Variants in DIP2B observed in about 807,000 individuals in gnomAD.
DIP2B encodes disco-interacting protein 2 homolog B.
In DIP2B, 76 loss-of-function variants were observed where a neutral mutation model predicts 198.0. That is an observed-to-expected ratio of 0.38 (90% confidence interval 0.32 to 0.46). The LOEUF is 0.46. Among genes scored for constraint, DIP2B ranks in the 20% least tolerant of loss-of-function variants. The pLI is 0.99. For missense variants in DIP2B, 1,559 were observed against 1,978.4 expected (o/e 0.79, Z 4.02); for synonymous variants, 701 against 739.1 (o/e 0.95, Z 0.84).
At chr12:50,651,027 C>T (rs1160666512) in intron 3 of DIP2B, among the ~76,000 whole-genome samples, 2 of 152,018 alleles carry the variant, frequency 1.3e-5, no homozygotes, top group African/African-American at 2.4e-5. Context: ...AAGGTATGGC[C>T]GTTCTAGTGG....
intron 1 of DIP2B, among the ~76,000 whole-genome samples, chr12:50,571,760 G>A (rs944609932): frequency 1.3e-5 from 2 of 151,716 alleles, no homozygotes; most frequent in Non-Finnish European, 2.9e-5. Flanking sequence ...CACCATGTTA[G>A]CCAGGATGGT....
intron 3 of DIP2B, among the ~76,000 whole-genome samples, chr12:50,650,698 C>T (rs1045788322): frequency 3.3e-5 from 5 of 152,118 alleles, no homozygotes; most frequent in Admixed American, 6.5e-5. Context: ...GTTTTACTTA[C>T]CTGTTCCACA....
At chr12:50,695,452 C>G in intron 15 of DIP2B, 92 bp downstream of exon 15, 11 of 1,186,616 alleles carry the variant, frequency 9.3e-6, no homozygotes, top group Non-Finnish European at 1.4e-5. Flanking sequence ...CCTTGTATGC[C>G]CCTGTCCCTT....
intron 10 of DIP2B, among the ~76,000 whole-genome samples, chr12:50,683,777 C>G (rs924020420): frequency 1.3e-5 from 2 of 150,080 alleles, no homozygotes; most frequent in African/African-American, 4.9e-5. Flanking sequence ...AGCAAGACTC[C>G]GTCTAAAAAT....
At chr12:50,518,528 T>C (rs948297252) in intron 1 of DIP2B, among the ~76,000 whole-genome samples, 3 of 152,148 alleles carry the variant, frequency 2.0e-5, no homozygotes, top group Non-Finnish European at 4.4e-5. Flanking sequence ...GTCTTTGAAA[T>C]GTGTTTCTAA....
chr12:50,509,574 C>T (rs1957996612), intron 1 of DIP2B, among the ~76,000 whole-genome samples: 1 of 152,162 alleles, frequency 6.6e-6, no homozygotes, highest in Non-Finnish European at 1.5e-5. Flanking sequence ...GCTTTGTGGT[C>T]CTTAAAGCAT....
At chr12:50,714,324 G>A in intron 22 of DIP2B, 71 bp from the exon 23 acceptor site, 3 of 1,571,190 alleles carry the variant, frequency 1.9e-6, no homozygotes, top group Non-Finnish European at 8.7e-7. Context: ...GTAAAATAAT[G>A]GATTATACCA....
At position 50,668,965 on chromosome 12, in the gene DIP2B, TGATA is replaced by T. The variant is rs375328777; in HGVS notation, c.428-2217_428-2214del. ...TTCTTTTAATCACCCCCCTTTTGCATGATAGATCTCATTCTTCTTTATGGACCTC... is the reference window on the plus strand; with the variant it reads ...TTCTTTTAATCACCCCCCTTTTGCATGATCTCATTCTTCTTTATGGACCTC... On this transcript the variant is annotated intron_variant, in intron 4 of 37. Transcript: ENST00000301180. Among the ~76,000 whole-genome samples the T allele has an allele frequency of 3.5e-3, 531 of 152,304 alleles. 1 individual carries two copies. Among genetic ancestry groups the T allele is most frequent in the Middle Eastern group, 0.034 (10 of 294 alleles).
chr12:50,700,911 A>G (rs908874973), intron 19 of DIP2B, among the ~76,000 whole-genome samples: 1 of 152,156 alleles, frequency 6.6e-6, no homozygotes, highest in African/African-American at 2.4e-5. Context: ...CGGTGGCTCA[A>G]TCATAGCTCA....
intron 1 of DIP2B, among the ~76,000 whole-genome samples, chr12:50,546,969 A>C (rs962278321): frequency 1.3e-5 from 2 of 152,210 alleles, no homozygotes; most frequent in Admixed American, 6.5e-5. Context: ...GGCTGTATTT[A>C]CTACTTTTCT....
intron 1 of DIP2B, among the ~76,000 whole-genome samples, chr12:50,584,204 A>G (rs1173916818): frequency 6.6e-6 from 1 of 152,160 alleles, no homozygotes; most frequent in African/African-American, 2.4e-5. Flanking sequence ...CCACCTTGAT[A>G]TCAGTAACCT....
At chr12:50,725,009 C>A in intron 28 of DIP2B, 123 bp downstream of exon 28, 1 of 913,282 alleles carries the variant, frequency 1.1e-6, no homozygotes, top group Non-Finnish European at 1.7e-6. Context: ...AAGACAGAGG[C>A]AAAACCTAGG....
rs1169845855 is a variant in DIP2B at position 50,686,626 on chromosome 12, C to T, written c.1495C>T (p.Pro499Ser). 6.8e-6 allele frequency: 11 copies of T among 1,613,980 alleles called. No homozygotes were observed. Among genetic ancestry groups the T allele is most frequent in the Non-Finnish European group, 8.5e-6 (10 of 1,180,024 alleles). The change falls in exon 12 of 38, where the codon CCG becomes TCG. Residue 499 changes from proline (P) to serine (S), a missense_variant. Pro to Ser is a moderately conservative substitution (Grantham distance 74). Transcript: ENST00000301180. ...VTDSKYLSKP[P>S]KDWQPHISPA... ...AGATTCCAAGTACCTTTCAAAGCCA[C>T]CGAAAGACTGGCAGCCACACATCTC... is the stretch of plus-strand genomic sequence containing the variant.
chr12:50,738,800 G>A (rs1435915087), intron 35 of DIP2B, among the ~76,000 whole-genome samples: 1 of 152,170 alleles, frequency 6.6e-6, no homozygotes, highest in Non-Finnish European at 1.5e-5. Flanking sequence ...ATTTTTAAAT[G>A]TTAGTAGTAG....
chr12:50,594,305 A>G (rs750324876), intron 1 of DIP2B, among the ~76,000 whole-genome samples: 5 of 152,122 alleles, frequency 3.3e-5, no homozygotes, highest in African/African-American at 7.2e-5. Flanking sequence ...CACTGCCTCA[A>G]TAATTAAGAG....
intron 22 of DIP2B, among the ~76,000 whole-genome samples, chr12:50,710,209 C>T (rs2700485): frequency 0.27 from 41,196 of 152,040 alleles, 6,347 homozygotes; most frequent in Non-Finnish European, 0.35. Context: ...GCTATGCTAG[C>T]GAACGTCATA....
intron 1 of DIP2B, among the ~76,000 whole-genome samples, chr12:50,550,419 C>T (rs1593601247): frequency 6.6e-6 from 1 of 151,884 alleles, no homozygotes; most frequent in African/African-American, 2.4e-5. Context: ...TTGAGAGGCA[C>T]CCAGTCTAAA....
intron 4 of DIP2B, among the ~76,000 whole-genome samples, chr12:50,669,859 T>A (rs536580780): frequency 3.8e-4 from 58 of 152,340 alleles, no homozygotes; most frequent in African/African-American, 1.3e-3. Flanking sequence ...TTTGGCTCTT[T>A]GAACCAAAGC....
At chr12:50,619,906 T>A (rs1402885257) in intron 1 of DIP2B, among the ~76,000 whole-genome samples, 1 of 151,914 alleles carries the variant, frequency 6.6e-6, no homozygotes, top group African/African-American at 2.4e-5. Flanking sequence ...AAAAACTTTT[T>A]AAAAATTAGC....
Sources: allele counts gnomAD v4.1 joint callset (sites outside exome capture counted in the v4.1 genomes callset), GRCh38; gene constraint gnomAD v4.1.1; transcripts MANE v1.5; gene names NCBI Gene and HGNC (gene_info 2026-07-23, HGNC 2026-07-21).